Variants in MACROD2 observed in about 807,000 individuals in gnomAD.
MACROD2 encodes mono-ADP ribosylhydrolase 2.
Under a neutral mutation model 70.4 loss-of-function variants are expected in MACROD2, and 36 were observed. The observed-to-expected ratio is 0.51, with a 90% CI of 0.39 to 0.68. The LOEUF (loss-of-function observed/expected upper bound fraction) is 0.68. MACROD2 is among the 30% of genes least tolerant of loss of function. The probability of loss-of-function intolerance (pLI) is 0.00; values close to 1 mark genes in which losing one functional copy is unlikely to be tolerated. For missense variants in MACROD2, 496 were observed against 538.4 expected, an observed-to-expected ratio of 0.92 and a Z score of 0.78; for synonymous variants, 172 against 178.8, an observed-to-expected ratio of 0.96 and a Z score of 0.30.
chr20:15,599,881 A>G (rs918024712), intron 8 of MACROD2, among the ~76,000 whole-genome samples: 1 of 152,140 alleles, frequency 6.6e-6, no homozygotes, highest in Non-Finnish European at 1.5e-5. Flanking sequence ...TCTCCATGGA[A>G]TGCTTTTCCA....
intron 5 of MACROD2, among the ~76,000 whole-genome samples, chr20:14,858,474 C>G (rs1206859659): frequency 6.6e-6 from 1 of 152,012 alleles, no homozygotes; most frequent in Admixed American, 6.5e-5. Context: ...CAATTTGGAT[C>G]CAGATTACAA....
At chr20:14,568,930 A>T (rs889015667) in intron 4 of MACROD2, among the ~76,000 whole-genome samples, 7 of 152,000 alleles carry the variant, frequency 4.6e-5, no homozygotes, top group African/African-American at 1.7e-4. Flanking sequence ...AGCCCCAGTC[A>T]GCATTAAGGT....
At chr20:15,893,159 T>A in intron 10 of MACROD2, 1 of 400,974 alleles carries the variant, frequency 2.5e-6, no homozygotes, top group Non-Finnish European at 4.4e-6. Flanking sequence ...TTCTAATATG[T>A]TTGAAGATGA....
At chr20:14,445,729 G>A (rs542785349) in intron 3 of MACROD2, among the ~76,000 whole-genome samples, 181 of 152,022 alleles carry the variant, frequency 1.2e-3, no homozygotes, top group Non-Finnish European at 6.9e-4. Context: ...AAAAATCATC[G>A]CAAGGATAGT....
chr20:14,271,768 A>G (rs1274604572), intron 3 of MACROD2, among the ~76,000 whole-genome samples: 1 of 152,170 alleles, frequency 6.6e-6, no homozygotes, highest in Admixed American at 6.5e-5. Flanking sequence ...CAAATGTATA[A>G]CTAGAATAAC....
intron 7 of MACROD2, among the ~76,000 whole-genome samples, chr20:15,461,393 G>A (rs773063988): frequency 1.2e-4 from 18 of 151,936 alleles, no homozygotes; most frequent in East Asian, 3.9e-4. Flanking sequence ...GTCTTAACAC[G>A]TTCTGTTTAA....
chr20:16,023,847 A>C (rs547989777), intron 15 of MACROD2, among the ~76,000 whole-genome samples: 1 of 152,322 alleles, frequency 6.6e-6, no homozygotes, highest in Admixed American at 6.5e-5. Context: ...AAGAGCAGTC[A>C]GTAAGCAAAT....
At chr20:14,222,186 A>G (rs1172745011) in intron 3 of MACROD2, among the ~76,000 whole-genome samples, 5 of 146,132 alleles carry the variant, frequency 3.4e-5, no homozygotes, top group Non-Finnish European at 5.9e-5. Context: ...CTGCATTTTT[A>G]TACTTATCAC....
At chr20:14,163,223 G>A (rs1376566453) in intron 3 of MACROD2, among the ~76,000 whole-genome samples, 1 of 152,134 alleles carries the variant, frequency 6.6e-6, no homozygotes, top group Non-Finnish European at 1.5e-5. Flanking sequence ...TCTGGGTATA[G>A]TATACATGGC....
At chr20:14,833,019 CA>C (rs2072989394) in intron 5 of MACROD2, among the ~76,000 whole-genome samples, 1 of 152,124 alleles carries the variant, frequency 6.6e-6, no homozygotes, top group East Asian at 1.9e-4. Context: ...ATTGTGTGTC[CA>C]CACTGTCTTC....
chr20:15,154,712 T>C (rs893010429), intron 5 of MACROD2, among the ~76,000 whole-genome samples: 3 of 152,144 alleles, frequency 2.0e-5, no homozygotes, highest in African/African-American at 4.8e-5. Flanking sequence ...ACTAAGCCCA[T>C]TCATAAGGGC....
chr20:15,072,297 G>A (rs951140816), intron 5 of MACROD2, among the ~76,000 whole-genome samples: 8 of 152,194 alleles, frequency 5.3e-5, no homozygotes, highest in East Asian at 3.9e-4. Context: ...CTTAGAATTG[G>A]CCTGGTATTT....
At chr20:15,931,594 G>A (rs771700948) in intron 10 of MACROD2, among the ~76,000 whole-genome samples, 1 of 151,786 alleles carries the variant, frequency 6.6e-6, no homozygotes, top group Non-Finnish European at 1.5e-5. Context: ...AGTGAGCTAT[G>A]AACATGCCAC....
intron 8 of MACROD2, among the ~76,000 whole-genome samples, chr20:15,542,060 G>T (rs1294256770): frequency 6.6e-6 from 1 of 152,208 alleles, no homozygotes; most frequent in Admixed American, 6.5e-5. Flanking sequence ...AATGCATGCA[G>T]GTGACAGTCT....
chr20:15,658,185 AT>A (rs2049760616), intron 8 of MACROD2, among the ~76,000 whole-genome samples: 1 of 151,826 alleles, frequency 6.6e-6, no homozygotes, highest in Non-Finnish European at 1.5e-5. Flanking sequence ...TTTTTAAAAA[AT>A]ATAGACAAAA....
At chr20:15,453,383 G>A (rs1198054818) in intron 7 of MACROD2, among the ~76,000 whole-genome samples, 1 of 151,972 alleles carries the variant, frequency 6.6e-6, no homozygotes, top group East Asian at 1.9e-4. Context: ...ACCAGAAAAT[G>A]CAATTAATTT....
At chr20:14,719,815 A>C (rs2123681289) in intron 5 of MACROD2, among the ~76,000 whole-genome samples, 1 of 152,302 alleles carries the variant, frequency 6.6e-6, no homozygotes, top group African/African-American at 2.4e-5. Flanking sequence ...TCCCAGCTAA[A>C]AACAGTGACC....
chr20:15,604,527 GA>G (rs2048866741), intron 8 of MACROD2, among the ~76,000 whole-genome samples: 1 of 152,186 alleles, frequency 6.6e-6, no homozygotes, highest in Non-Finnish European at 1.5e-5. Context: ...CAGTGGACAA[GA>G]GGACCAAATG....
At chr20:15,329,628 C>T (rs2077970516) in intron 6 of MACROD2, among the ~76,000 whole-genome samples, 1 of 151,964 alleles carries the variant, frequency 6.6e-6, no homozygotes, top group Non-Finnish European at 1.5e-5. Context: ...AATGAAAATA[C>T]AATATTTTAA....
Sources: allele counts gnomAD v4.1 joint callset (sites outside exome capture counted in the v4.1 genomes callset), GRCh38; gene constraint gnomAD v4.1.1; transcripts MANE v1.5; gene names NCBI Gene and HGNC (gene_info 2026-07-23, HGNC 2026-07-21).